Variants in CIC observed in about 807,000 individuals in gnomAD.
The protein encoded by CIC is protein capicua homolog.
A neutral mutation model predicts 115.7 loss-of-function variants in CIC; 18 were observed. The ratio of observed to expected loss-of-function variants is 0.16; its 90% CI spans 0.11 to 0.23. CIC has a LOEUF of 0.23. Ranked by LOEUF, CIC falls within the 10% of genes least tolerant of loss-of-function variation. CIC has a pLI of 1.00. For synonymous variants in CIC, 1,076 were observed against 923.0 expected, an observed-to-expected ratio of 1.17 and a Z score of -3.01; for missense variants, 2,000 against 2,159.3, an observed-to-expected ratio of 0.93 and a Z score of 1.46.
chr19:42,270,712 G>C lies in CIC; in HGVS notation c.-10-1062G>C, dbSNP rs993115121. On this transcript the variant is annotated intron_variant, in intron 1 of 20. Transcript: ENST00000681038. This position sits in a 1 kb window ranked among gnomAD's most constrained non-coding sequence, Gnocchi z 4.1. ...GCGGGGATGCATGCAGGCAAGAAGA[G>C]GGGGGCTGGGCTTGCGGGTATCACG... Among the ~76,000 whole-genome samples, 1 of 152,124 alleles carries C rather than the reference G, an allele frequency of 6.6e-6. No homozygotes were observed. The highest frequency in any genetic ancestry group is 1.5e-5 in the Non-Finnish European group (1 of 68,008).
chr19:42,284,913 CGGGCCGAGTG>C, intron 2 of CIC: 1 of 777,452 alleles, frequency 1.3e-6, no homozygotes, highest in Non-Finnish European at 2.1e-6. Context: ...GGAGCTCGGC[CGGGCCGAGTG>C]GTTAGTGATG....
Position 42,291,123 on chromosome 19 carries a change from C to A in CIC, c.5082C>A (p.Ala1694=). The part of the protein sequence containing the change: ...PPAVQFIAQG[A]PGGGTTAGSG... ...CTGTCCAGTTCATTGCCCAGGGGGC[C>A]CCTGGTGGTGGGACCACTGCGGGCT... is the stretch of plus-strand genomic sequence containing the variant. Residue 1694 remains alanine, a synonymous_variant, in exon 11 of 21, where the codon GCC becomes GCA. Transcript: ENST00000681038. 1.2e-6 allele frequency: 2 copies of A among 1,609,264 alleles called. No homozygotes were observed.
rs2038441558 is a variant in CIC, at chr19:42,295,324, C to T, written c.*133C>T. 5 of 780,164 alleles carry T rather than the reference C, an allele frequency of 6.4e-6. No homozygotes were observed. The Admixed American group carries it at 8.0e-5, about 12-fold the overall frequency. 48.3% of individuals were successfully genotyped at this position (780,164 alleles called of 1,614,324 possible). A position where few individuals can be genotyped will look rare whatever the true frequency, so the allele number is the denominator to read the frequency against. Reference sequence around the variant, plus strand: ...AGTTTGGGGCGGAATGAGGCCTGCTCCTCTTGTAAATACCCCCTTCCCTCG... The same window carrying T: ...AGTTTGGGGCGGAATGAGGCCTGCTTCTCTTGTAAATACCCCCTTCCCTCG... On this transcript the variant is annotated 3_prime_UTR_variant, in exon 21 of 21. Coordinates refer to ENST00000681038, the MANE Select transcript of CIC (RefSeq NM_001386298.1).
At position 42,287,311 on chromosome 19, in the gene CIC, C is replaced by G. The variant is rs747679652; in HGVS notation, c.3180-9C>G. The stretch of plus-strand genomic sequence containing the variant: ...CATGGCCCTCACTGTCCCTGCTGCC[C>G]CGCCGCAGCTTCCTCTCCATCATGT... On this transcript the variant is annotated splice_polypyrimidine_tract_variant and intron_variant, in intron 4 of 20. Transcript: ENST00000681038. The surrounding 1 kb of genome is among the most constrained non-coding windows in gnomAD (Gnocchi z 8.7). 2 of 1,614,004 alleles carry G rather than the reference C, an allele frequency of 1.2e-6. No homozygotes were observed. The highest frequency in any genetic ancestry group is 1.7e-6 in the Non-Finnish European group (2 of 1,179,930).
chr19:42,295,050 C>T lies in CIC; in HGVS notation c.7413C>T (p.Pro2471=), dbSNP rs2038418050. 2 of 1,543,190 alleles carry T rather than the reference C, an allele frequency of 1.3e-6. No homozygotes were observed. The highest frequency in any genetic ancestry group is 1.8e-4 in the Middle Eastern group (1 of 5,610). The part of the protein sequence containing the change: ...SPAGGPDPTS[P]SSDSGTAQAA... ...CAGGGGGCCCTGACCCCACCTCACC[C>T]AGCTCGGACTCTGGCACGGCCCAGG... The change falls in exon 21 of 21, where the codon CCC becomes CCT. Residue 2471 remains proline, a synonymous_variant. Transcript: ENST00000681038.
At chr19:42,293,862 G>A (rs2147336919) in intron 17 of CIC, 26 bp downstream of exon 17, 1 of 1,613,144 alleles carries the variant, frequency 6.2e-7, no homozygotes, top group Non-Finnish European at 8.5e-7. Context: ...GGCCTTGGTG[G>A]AGCGTGTTAG....
In CIC at chr19:42,293,233, G is replaced by T; in HGVS notation, c.6474G>T (p.Leu2158=). 6.3e-7 allele frequency: 1 copy of T among 1,594,810 alleles called. No homozygotes were observed. The highest frequency in any genetic ancestry group is 2.3e-5 in the East Asian group (1 of 43,792). The change falls in exon 16 of 21, where the codon CTG becomes CTT. Residue 2158 remains leucine (L), a synonymous_variant. Transcript: ENST00000681038. Reference sequence around the variant, plus strand: ...CCACGGCCCGGAGCAGCCCCCCACTGCCCCCACCTGCTGAGGAGCGGACCA... The same window carrying T: ...CCACGGCCCGGAGCAGCCCCCCACTTCCCCCACCTGCTGAGGAGCGGACCA... ...WTPTARSSPP[L]PPPAEERTSA...
chr19:42,289,192 C>T lies in CIC; in HGVS notation c.3873C>T (p.Gly1291=), dbSNP rs772536705. The stretch of plus-strand genomic sequence containing the variant: ...CACCTATCCTGCAGATGGTGTCTGG[C>T]CCTGCATCGTACTCTGGCCCAAAGC... The part of the protein sequence containing the change: ...ALQELTQMVS[G]PASYSGPKPS... The change falls in exon 9 of 21, where the codon GGC becomes GGT. Residue 1291 remains glycine, a synonymous_variant. Transcript: ENST00000681038. The T allele has an allele frequency of 3.1e-6, 5 of 1,613,148 alleles. No individual in the cohort carries two copies. In the African/African-American group the frequency reaches 6.7e-5, roughly 22 times the overall value.
At position 42,292,391 on chromosome 19, in the gene CIC, C is replaced by T; in HGVS notation, c.5827C>T (p.Pro1943Ser). ...GGCTGGAACAGTCACCTCGTACGGGCCCACGAGCTCTGTAGCTCTAGGCTT... is the reference window on the plus strand; with the variant it reads ...GGCTGGAACAGTCACCTCGTACGGGTCCACGAGCTCTGTAGCTCTAGGCTT... ...SQAGTVTSYG[P>S]TSSVALGFTS... The change falls in exon 14 of 21, where the codon CCC becomes TCC. Residue 1943 changes from proline to serine, a missense_variant. By Grantham distance (74) the Pro-to-Ser change is moderately conservative (BLOSUM62 -1). Coordinates refer to ENST00000681038, the MANE Select transcript of CIC (RefSeq NM_001386298.1). 1 of 1,612,730 alleles carries T rather than the reference C, an allele frequency of 6.2e-7. No homozygotes were observed. Among genetic ancestry groups the T allele is most frequent in the Non-Finnish European group, 8.5e-7 (1 of 1,179,742 alleles).
At chr19:42,268,584 C>A (rs1451476603), upstream of CIC, 1 of 152,216 alleles carries the variant, frequency 6.6e-6, no homozygotes, top group East Asian at 1.9e-4. Flanking sequence ...ACGCCAGAGC[C>A]AGGAATACGG....
At position 42,290,303 on chromosome 19, in the gene CIC, C is replaced by G. The variant is rs2037983867; in HGVS notation, c.4262C>G (p.Pro1421Arg). The G allele has an allele frequency of 2.5e-6, 4 of 1,613,984 alleles. No homozygotes were observed. The highest frequency in any genetic ancestry group is 3.4e-6 in the Non-Finnish European group (4 of 1,179,996). The change falls in exon 11 of 21, where the codon CCT (proline) becomes CGT (arginine). Residue 1421 changes from proline to arginine, a missense_variant. Pro to Arg is a moderately radical substitution (Grantham distance 103). Around this residue, in one of 8 missense-constraint regions of CIC, gnomAD observed 1,466 missense variants for 1,390.4 expected, o/e 1.05. Coordinates refer to ENST00000681038, the MANE Select transcript of CIC (RefSeq NM_001386298.1). ...ACCCACTGCCGCCCCCCACTGGACC[C>G]TGAGCCCCCAGGGCCCCCGGATCCT... ...SFTHCRPPLD[P>R]EPPGPPDPPV... is the part of the protein sequence containing the mutation.
intron 12 of CIC, 72 bp downstream of exon 12, chr19:42,291,817 T>TC: frequency 1.3e-6 from 2 of 1,568,844 alleles, no homozygotes; most frequent in Non-Finnish European, 1.8e-6. Context: ...GTCTTTTTTT[T>TC]CAGTCTTTTC....
rs1167255949 is a variant in CIC, at chr19:42,271,768, C to T, written c.-10-6C>T. The T allele has an allele frequency of 2.5e-6, 1 of 398,708 alleles. No homozygotes were observed. The highest frequency in any genetic ancestry group is 4.4e-6 in the Non-Finnish European group (1 of 226,140). The allele number at this position is 398,708 out of a possible 1,614,324, so 24.7% of individuals were successfully genotyped here. On this transcript the variant is annotated splice_polypyrimidine_tract_variant and splice_region_variant and intron_variant, in intron 1 of 20. Coordinates refer to ENST00000681038, the MANE Select transcript of CIC (RefSeq NM_001386298.1). ...CCGCGTAATCCTCCGCTCTCCCACC[C>T]TGCAGGTGGACAAAAATGAAGCCAA...
At position 42,283,163 on chromosome 19, in the gene CIC, TGTGA is replaced by T. The variant is rs1413335852; in HGVS notation, c.2795-3604_2795-3601del. On this transcript the variant is annotated intron_variant, in intron 2 of 20. Transcript: ENST00000681038. Reference sequence around the variant, plus strand: ...TGTGCACTGGGGATAGGAGGCGCTTTGTGAGTGCTAGGAAGGCTGTGTGTGTGAC... The same window carrying T: ...TGTGCACTGGGGATAGGAGGCGCTTTGTGCTAGGAAGGCTGTGTGTGTGAC... Among the ~76,000 whole-genome samples the T allele has an allele frequency of 3.9e-5, 6 of 152,146 alleles. No homozygotes were observed. The East Asian group carries it at 1.2e-3, about 29-fold the overall frequency.
intron 2 of CIC, among the ~76,000 whole-genome samples, chr19:42,281,256 G>T (rs1160415287): frequency 1.3e-5 from 2 of 152,198 alleles, no homozygotes; most frequent in East Asian, 3.9e-4. Context: ...GGCCGGCAGG[G>T]GTGCGGTGCC....
At chr19:42,285,094 GGGGA>G (rs2037537477) in intron 2 of CIC, among the ~76,000 whole-genome samples, 1 of 152,146 alleles carries the variant, frequency 6.6e-6, no homozygotes, top group African/African-American at 2.4e-5. Context: ...GCTGGTCCTA[GGGGA>G]GGAGGCTTGG....
rs766543605 is a variant in CIC, at chr19:42,287,522, G to C, written c.3310-23G>C. On this transcript the variant is annotated intron_variant, in intron 5 of 20. Transcript: ENST00000681038. This position sits in a 1 kb window ranked among gnomAD's most constrained non-coding sequence, Gnocchi z 8.7. ...CTGTCTGCCAGGTCCTAACTGTCCC[G>C]CTCTGGGCTGTGTTTAATGCAGCGG... is the stretch of plus-strand genomic sequence containing the variant. 2 of 1,612,640 alleles carry C rather than the reference G, an allele frequency of 1.2e-6. No individual in the cohort carries two copies. Among genetic ancestry groups the C allele is most frequent in the Non-Finnish European group, 1.7e-6 (2 of 1,180,020 alleles).
rs2147261952 is a variant in CIC, at chr19:42,290,815, C to G, written c.4774C>G (p.Pro1592Ala). 6.2e-7 allele frequency: 1 copy of G among 1,609,050 alleles called. No homozygotes were observed. The highest frequency in any genetic ancestry group is 8.5e-7 in the Non-Finnish European group (1 of 1,178,068). The change falls in exon 11 of 21, where the codon CCT becomes GCT. Residue 1592 changes from proline to alanine, a missense_variant. By Grantham distance (27) the Pro-to-Ala change is conservative. Around this residue, in one of 8 missense-constraint regions of CIC, gnomAD observed 1,466 missense variants for 1,390.4 expected, o/e 1.05. Coordinates refer to ENST00000681038, the MANE Select transcript of CIC (RefSeq NM_001386298.1). ...TNVVRPVSST[P>A]VPIASKPFPT... ...TGTGGTGCGGCCTGTCAGCAGCACT[C>G]CTGTGCCCATCGCCTCTAAGCCCTT...
intron 2 of CIC, among the ~76,000 whole-genome samples, chr19:42,286,008 C>T (rs2037612571): frequency 6.6e-6 from 1 of 152,238 alleles, no homozygotes; most frequent in Admixed American, 6.5e-5. Context: ...GTTTACCACA[C>T]CCTCCCCTGT....
Sources: gnomAD v4.1 joint callset for allele counts (sites outside exome capture counted in the v4.1 genomes callset) on GRCh38, gnomAD v4.1.1 for gene constraint, gnomAD v4.1.1 regional missense constraint, Gnocchi (gnomAD v3.1) non-coding constraint, MANE v1.5 for transcripts, NCBI Gene and HGNC (gene_info 2026-07-23, HGNC 2026-07-21) for gene names.